ABCA10: variants seen among roughly 807,000 people sequenced by gnomAD.
ABCA10 encodes the protein ATP-binding cassette sub-family A member 10.
Under a neutral mutation model 187.5 loss-of-function variants are expected in ABCA10, and 169 were observed. The ratio of observed to expected loss-of-function variants is 0.90; its 90% confidence interval spans 0.80 to 1.02. ABCA10 has a LOEUF of 1.02. ABCA10 is among the 50% of genes least tolerant of loss of function. The pLI is 0.00. For synonymous variants in ABCA10, 574 were observed against 601.8 expected (o/e 0.95, Z 0.68); for missense variants, 1,727 against 1,812.4 (o/e 0.95, Z 0.86).
intron 9 of ABCA10, among the ~76,000 whole-genome samples, chr17:69,204,866 C>T (rs1452853177): frequency 6.6e-6 from 1 of 152,180 alleles, no homozygotes; most frequent in Non-Finnish European, 1.5e-5. Flanking sequence ...CAGTGGCTCA[C>T]ACCTGAAATC....
chr17:69,240,126 T>G (rs866545872), intron 1 of ABCA10, among the ~76,000 whole-genome samples: 3 of 152,178 alleles, frequency 2.0e-5, no homozygotes, highest in African/African-American at 7.2e-5. Flanking sequence ...ATGTTCTGCA[T>G]TGTTTGATCA....
Position 69,150,068 on chromosome 17 carries a change from C to T in ABCA10, c.4398-5G>A. 6.2e-7 allele frequency: 1 copy of T among 1,604,374 alleles called. No homozygotes were observed. The highest frequency in any genetic ancestry group is 1.3e-5 in the African/African-American group (1 of 74,744). ...TACGCCATTAAAGAGGAATATCTGTCAGGAAGAAGAGTGAGATTTATTACT... is the reference window on the plus strand; with the variant it reads ...TACGCCATTAAAGAGGAATATCTGTTAGGAAGAAGAGTGAGATTTATTACT... On this transcript the variant is annotated splice_region_variant and splice_polypyrimidine_tract_variant and intron_variant, in intron 36 of 38. Transcript: ENST00000690296.
At chr17:69,190,304 CT>C (rs2074450300) in intron 18 of ABCA10, 53 bp downstream of exon 18, 2 of 1,489,064 alleles carry the variant, frequency 1.3e-6, no homozygotes, top group Non-Finnish European at 1.8e-6. Context: ...AGAACATCAT[CT>C]TTTTCTCTTC....
In ABCA10 at chr17:69,219,564, G is replaced by A; in HGVS notation, c.511C>T (p.Leu171Phe). The A allele has an allele frequency of 6.3e-7, 1 of 1,594,040 alleles. No homozygotes were observed. The highest frequency in any genetic ancestry group is 1.7e-5 in the Admixed American group (1 of 57,670). Residue 171 changes from leucine to phenylalanine, a missense_variant, in exon 6 of 39, where the codon CTC (leucine) becomes TTC (phenylalanine). Coordinates refer to ENST00000690296, the MANE Select transcript of ABCA10 (RefSeq NM_001377321.1). ...KFKKLMTVMG[L>F]RESAFWLSWG... ...ACTTACCAGAATGCTGACTCTCGGA[G>A]ACCCATCACTGTCATCAGTTTCTTA... is the stretch of plus-strand genomic sequence containing the variant.
intron 10 of ABCA10, among the ~76,000 whole-genome samples, chr17:69,198,189 A>C (rs1433951995): frequency 6.6e-6 from 1 of 152,200 alleles, no homozygotes; most frequent in African/African-American, 2.4e-5. Context: ...ATTTGAATTT[A>C]TCTCTTTACT....
intron 9 of ABCA10, among the ~76,000 whole-genome samples, chr17:69,205,498 A>T (rs2144822118): frequency 6.6e-6 from 1 of 152,338 alleles, no homozygotes; most frequent in Non-Finnish European, 1.5e-5. Flanking sequence ...TAGGGAAACA[A>T]AACAGAATAA....
At position 69,148,293 on chromosome 17, in the gene ABCA10, T is replaced by A. The variant is rs902816861; in HGVS notation, c.*534A>T. ...ACTTTCTTACAGATTATGGCTATCT[T>A]CTTCCATATAACTTCAATATGTACT... On this transcript the variant is annotated 3_prime_UTR_variant, in exon 39 of 39. Transcript: ENST00000690296. The A allele has an allele frequency of 6.6e-6, 1 of 152,392 alleles. No homozygotes were observed. The highest frequency in any genetic ancestry group is 1.5e-5 in the Non-Finnish European group (1 of 68,246). The allele number at this position is 152,392 out of a possible 1,614,324, so 9.4% of individuals were successfully genotyped here.
Position 69,182,817 on chromosome 17 carries a change from G to A in ABCA10, c.2498-9C>T. 1.3e-6 allele frequency: 2 copies of A among 1,515,782 alleles called. No homozygotes were observed. Among genetic ancestry groups the A allele is most frequent in the Admixed American group, 4.6e-5 (2 of 43,332 alleles). The allele number at this position is 1,515,782 out of a possible 1,614,324, so 93.9% of individuals were successfully genotyped here. A position where few individuals can be genotyped will look rare whatever the true frequency, so the allele number is the denominator to read the frequency against. On this transcript the variant is annotated splice_polypyrimidine_tract_variant and intron_variant, in intron 20 of 38. Transcript: ENST00000690296. ...GTCTTCAATATTTGATCCTAACATA[G>A]TGGAAGGAAGGCAACAAGAAAAAAA...
chr17:69,150,086 T>G (rs754224490), intron 36 of ABCA10, 23 bp from the exon 37 acceptor site: 1 of 1,560,942 alleles, frequency 6.4e-7, no homozygotes, highest in Non-Finnish European at 8.8e-7. Context: ...AGAGTGAGAT[T>G]TATTACTAAG....
chr17:69,182,560 T>G, intron 21 of ABCA10, 115 bp downstream of exon 21: 1 of 1,307,862 alleles, frequency 7.6e-7, no homozygotes, highest in East Asian at 2.5e-5. Context: ...AAGCCTCCTC[T>G]AATATGATGC....
rs941787041 is a variant in ABCA10, at chr17:69,219,769, G to A, written c.306C>T (p.Val102=). The part of the protein sequence containing the change: ...QAAINAAIIE[V]TTNHSVMEEL... ...CCTCCATTACAGAATGATTTGTTGT[G>A]ACCTAAATTGGGACATTAGCAAATT... Residue 102 remains valine (V), a splice_region_variant and synonymous_variant, in exon 6 of 39, where the codon GTC becomes GTT. Coordinates refer to ENST00000690296, the MANE Select transcript of ABCA10 (RefSeq NM_001377321.1). 1 of 1,554,514 alleles carries A rather than the reference G, an allele frequency of 6.4e-7. No individual in the cohort carries two copies. The highest frequency in any genetic ancestry group is 1.4e-5 in the African/African-American group (1 of 72,932).
Position 69,215,984 on chromosome 17 carries a change from A to G in ABCA10, c.689T>C (p.Leu230Pro), listed in dbSNP as rs759260421. 1.1e-5 allele frequency: 17 copies of G among 1,612,280 alleles called. No homozygotes were observed. Among genetic ancestry groups the G allele is most frequent in the East Asian group, 4.5e-5 (2 of 44,858 alleles). The stretch of plus-strand genomic sequence containing the variant: ...AGGTTTCCTTATTAAAACACTCATG[A>G]GGAAAGCCAATGCTATCTGAAGGAA... ...YGLSLIALAF[L>P]MSVLIRKPML... Residue 230 changes from leucine (L) to proline (P), a missense_variant, in exon 8 of 39, where the codon CTC (leucine) becomes CCC (proline). By Grantham distance (98) the Leu-to-Pro change is moderately conservative (BLOSUM62 -3). Coordinates refer to ENST00000690296, the MANE Select transcript of ABCA10 (RefSeq NM_001377321.1).
At chr17:69,157,707 A>G (rs1218185706) in intron 27 of ABCA10, among the ~76,000 whole-genome samples, 1 of 152,188 alleles carries the variant, frequency 6.6e-6, no homozygotes, top group African/African-American at 2.4e-5. Flanking sequence ...GAATAGAAGT[A>G]GCTCTGAATA....
In ABCA10 at chr17:69,210,089, T is replaced by TATC. The variant is rs1234324178; in HGVS notation, c.1006+4614_1006+4615insGAT. 2.0e-5 allele frequency among the ~76,000 whole-genome samples: 3 copies of TATC among 149,674 alleles called. No individual in the cohort carries two copies. In the East Asian group the frequency reaches 5.8e-4, roughly 29 times the overall value. On this transcript the variant is annotated intron_variant, in intron 9 of 38. Transcript: ENST00000690296. ...AGAGCTTATGCTATTACTTTATTAT[T>TATC]ATTATTATTATTATTATTTCAATAG...
intron 15 of ABCA10, 85 bp downstream of exon 15, chr17:69,193,025 T>C (rs1652673885): frequency 6.7e-7 from 1 of 1,494,756 alleles, no homozygotes; most frequent in African/African-American, 1.4e-5. Flanking sequence ...AAACAAGATT[T>C]TCTTCTTTTG....
At chr17:69,159,855 C>A (rs2074201283) in intron 27 of ABCA10, among the ~76,000 whole-genome samples, 1 of 151,962 alleles carries the variant, frequency 6.6e-6, no homozygotes, top group Non-Finnish European at 1.5e-5. Flanking sequence ...CCCATATATG[C>A]TCAAATAATC....
chr17:69,215,097 G>A (rs1341267176), intron 8 of ABCA10, among the ~76,000 whole-genome samples: 1 of 152,032 alleles, frequency 6.6e-6, no homozygotes, highest in Non-Finnish European at 1.5e-5. Context: ...TTAATCATGG[G>A]TATTTTAACA....
At chr17:69,151,421 C>T (rs943780184) in intron 36 of ABCA10, among the ~76,000 whole-genome samples, 3 of 152,000 alleles carry the variant, frequency 2.0e-5, no homozygotes, top group Non-Finnish European at 2.9e-5. Context: ...GCAGATAATA[C>T]GTATTCAATA....
chr17:69,201,799 T>G, intron 9 of ABCA10, 131 bp from the exon 10 acceptor site: 1 of 840,428 alleles, frequency 1.2e-6, no homozygotes, highest in Non-Finnish European at 1.7e-6. Flanking sequence ...TATAATTTTT[T>G]TTTTTGAGAC....
Sources: allele counts gnomAD v4.1 joint callset (sites outside exome capture counted in the v4.1 genomes callset), GRCh38; gene constraint gnomAD v4.1.1; transcripts MANE v1.5; gene names NCBI Gene and HGNC (gene_info 2026-07-23, HGNC 2026-07-21).